ATP8A2: variants seen among roughly 807,000 people sequenced by gnomAD.
The protein encoded by ATP8A2 is phospholipid-transporting ATPase IB.
In ATP8A2, 100 loss-of-function variants were observed where a neutral mutation model predicts 165.6. The ratio of observed to expected loss-of-function variants is 0.60; its 90% confidence interval spans 0.51 to 0.71. The LOEUF (loss-of-function observed/expected upper bound fraction) is 0.71, where lower values mean the gene tolerates loss of function less well. Ranked by LOEUF, ATP8A2 falls within the 30% of genes least tolerant of loss-of-function variation. The probability of loss-of-function intolerance (pLI) is 0.00; values close to 1 mark genes in which losing one functional copy is unlikely to be tolerated. For synonymous variants in ATP8A2, 543 were observed against 548.8 expected (o/e 0.99, Z 0.15); for missense variants, 1,227 against 1,479.5 (o/e 0.83, Z 2.80).
At chr13:25,931,831 G>A (rs1301654156) in intron 33 of ATP8A2, among the ~76,000 whole-genome samples, 1 of 152,082 alleles carries the variant, frequency 6.6e-6, no homozygotes, top group Non-Finnish European at 1.5e-5. Flanking sequence ...CGTTTCACCT[G>A]AAGTCAGGAG....
chr13:25,790,183 A>G (rs2045131003), intron 27 of ATP8A2, among the ~76,000 whole-genome samples: 1 of 152,220 alleles, frequency 6.6e-6, no homozygotes, highest in African/African-American at 2.4e-5. Flanking sequence ...TTCATGATGA[A>G]GATGGCAAAA....
intron 23 of ATP8A2, among the ~76,000 whole-genome samples, chr13:25,583,614 G>C (rs2039837120): frequency 6.6e-6 from 1 of 152,068 alleles, no homozygotes; most frequent in African/African-American, 2.4e-5. Context: ...CCTTTTTCGT[G>C]TGTGTTCATT....
rs567676617 is a variant in ATP8A2 at position 25,871,110 on chromosome 13, G to T, written c.3183+8702G>T. On this transcript the variant is annotated intron_variant, in intron 33 of 36. Coordinates refer to ENST00000381655, the MANE Select transcript of ATP8A2 (RefSeq NM_016529.6). Reference sequence around the variant, plus strand: ...GAGGCCCCGCGGCTTTGATTGAGTGGTTTTTTTTTTTCTTCAGAGGTTTTG... The same window carrying T: ...GAGGCCCCGCGGCTTTGATTGAGTGTTTTTTTTTTTTCTTCAGAGGTTTTG... 1,560 of 199,742 alleles carry T rather than the reference G, an allele frequency of 7.8e-3. 12 individuals carry two copies. Among genetic ancestry groups the T allele is most frequent in the African/African-American group, 0.021 (815 of 38,942 alleles). 12.4% of individuals were successfully genotyped at this position (199,742 alleles called of 1,614,324 possible).
chr13:25,390,988 C>G (rs1477148294), intron 1 of ATP8A2, among the ~76,000 whole-genome samples: 1 of 151,806 alleles, frequency 6.6e-6, no homozygotes, highest in African/African-American at 2.4e-5. Context: ...CTTAGGATTA[C>G]TGAGTTGTGT....
rs750404774 is a variant in ATP8A2, at chr13:25,530,105, G to A, written c.321+7G>A. The A allele has an allele frequency of 1.3e-6, 2 of 1,530,628 alleles. No individual in the cohort carries two copies. The highest frequency in any genetic ancestry group is 1.8e-6 in the Non-Finnish European group (2 of 1,108,550). The allele number at this position is 1,530,628 out of a possible 1,614,324, so 94.8% of individuals were successfully genotyped here. A position where few individuals can be genotyped will look rare whatever the true frequency, so the allele number is the denominator to read the frequency against. On this transcript the variant is annotated splice_region_variant and intron_variant, in intron 3 of 36. Transcript: ENST00000381655. ...CTTCATTGCCTTATTACAGGTAATG[G>A]TTTTTTAACAGTTCCTTGGAATTCA...
At chr13:25,766,643 A>G (rs1306071914) in intron 25 of ATP8A2, among the ~76,000 whole-genome samples, 1 of 152,188 alleles carries the variant, frequency 6.6e-6, no homozygotes, top group African/African-American at 2.4e-5. Context: ...TTTATTGTTG[A>G]AACTGTGAGC....
At chr13:25,469,164 C>A (rs1321895849) in intron 2 of ATP8A2, 43 bp downstream of exon 2, 2 of 1,605,030 alleles carry the variant, frequency 1.2e-6, no homozygotes, top group African/African-American at 2.7e-5. Flanking sequence ...GGTGGAGTCA[C>A]AGCTGGGAAG....
intron 2 of ATP8A2, among the ~76,000 whole-genome samples, chr13:25,497,854 C>CG (rs1566186555): frequency 2.6e-5 from 4 of 151,824 alleles, no homozygotes; most frequent in Non-Finnish European, 5.9e-5. Context: ...CCCAGCTACT[C>CG]GGGGGGCTGA....
chr13:25,769,294 G>A, intron 26 of ATP8A2, 65 bp downstream of exon 26: 1 of 1,517,088 alleles, frequency 6.6e-7, no homozygotes, highest in Middle Eastern at 2.4e-4. Flanking sequence ...ATGAGGACCT[G>A]GCGTTTAACC....
chr13:25,861,637 G>A (rs1219638383), intron 32 of ATP8A2, among the ~76,000 whole-genome samples: 4 of 152,300 alleles, frequency 2.6e-5, no homozygotes, highest in East Asian at 3.9e-4. Context: ...TGATGACTTT[G>A]CTTACGATGT....
intron 2 of ATP8A2, chr13:25,517,346 AGTT>A (rs2037512937): frequency 6.6e-6 from 1 of 152,186 alleles, no homozygotes; most frequent in Non-Finnish European, 1.5e-5. Context: ...GTTATCTAAG[AGTT>A]GTTTTCACTA....
intron 25 of ATP8A2, among the ~76,000 whole-genome samples, chr13:25,757,669 G>A (rs1047294883): frequency 2.0e-5 from 3 of 152,110 alleles, no homozygotes; most frequent in Non-Finnish European, 4.4e-5. Flanking sequence ...TAAGGCACAG[G>A]CATGATATTT....
chr13:25,690,935 G>C (rs935050163), intron 24 of ATP8A2, among the ~76,000 whole-genome samples: 1 of 152,124 alleles, frequency 6.6e-6, no homozygotes, highest in Non-Finnish European at 1.5e-5. Context: ...CCTCAAAGTG[G>C]AAACAATCCA....
At chr13:25,944,921 A>T (rs550891067) in intron 33 of ATP8A2, among the ~76,000 whole-genome samples, 3 of 152,088 alleles carry the variant, frequency 2.0e-5, no homozygotes, top group Non-Finnish European at 4.4e-5. Flanking sequence ...TATTTCCTTT[A>T]TCTGTAAAAT....
chr13:25,864,638 C>T (rs1466951442), intron 33 of ATP8A2, among the ~76,000 whole-genome samples: 1 of 152,204 alleles, frequency 6.6e-6, no homozygotes, highest in Non-Finnish European at 1.5e-5. Flanking sequence ...TCTGTAAAAG[C>T]TTATTTTTCT....
At chr13:25,712,782 T>C (rs563786629) in intron 25 of ATP8A2, among the ~76,000 whole-genome samples, 1 of 152,348 alleles carries the variant, frequency 6.6e-6, no homozygotes, top group South Asian at 2.1e-4. Context: ...AATTGGTGTA[T>C]GTTAAAAGGG....
intron 24 of ATP8A2, among the ~76,000 whole-genome samples, chr13:25,639,557 C>A (rs1280095036): frequency 2.6e-5 from 4 of 152,174 alleles, no homozygotes; most frequent in Non-Finnish European, 5.9e-5. Context: ...AGCTAACTAT[C>A]CTAAATATAT....
intron 27 of ATP8A2, among the ~76,000 whole-genome samples, chr13:25,781,676 G>A (rs903049434): frequency 6.6e-6 from 1 of 151,994 alleles, no homozygotes; most frequent in African/African-American, 2.4e-5. Flanking sequence ...ATTTTTAGTA[G>A]AGACAAGTTT....
intron 2 of ATP8A2, among the ~76,000 whole-genome samples, chr13:25,518,496 G>A (rs1403265980): frequency 1.3e-5 from 2 of 152,120 alleles, no homozygotes. Flanking sequence ...CCTTAACATG[G>A]ATTTACTGTT....
Sources: allele counts gnomAD v4.1 joint callset (sites outside exome capture counted in the v4.1 genomes callset), GRCh38; gene constraint gnomAD v4.1.1; transcripts MANE v1.5; gene names NCBI Gene and HGNC (gene_info 2026-07-23, HGNC 2026-07-21).